Variants in KPNA3 observed in about 807,000 individuals in gnomAD.
The protein encoded by KPNA3 is karyopherin subunit alpha 3.
In KPNA3, 13 loss-of-function variants were observed where a neutral mutation model predicts 73.8. The ratio of observed to expected loss-of-function variants is 0.18; its 90% confidence interval spans 0.11 to 0.28. KPNA3 has a LOEUF of 0.28. Ranked by LOEUF, KPNA3 falls within the 10% of genes least tolerant of loss-of-function variation. The pLI, the probability that KPNA3 is intolerant of heterozygous loss-of-function variation, is 1.00. For missense variants in KPNA3, 360 were observed against 618.1 expected (o/e 0.58, Z 4.43); for synonymous variants, 186 against 206.9 (o/e 0.90, Z 0.87).
intron 15 of KPNA3, among the ~76,000 whole-genome samples, chr13:49,703,943 T>C (rs1050333896): frequency 6.6e-6 from 1 of 152,220 alleles, no homozygotes; most frequent in African/African-American, 2.4e-5. Context: ...AAAGTAACTA[T>C]ATTGATAAAA....
intron 1 of KPNA3, among the ~76,000 whole-genome samples, chr13:49,790,500 GCCACACTTC>G (rs1277406238): frequency 2.0e-5 from 3 of 152,154 alleles, no homozygotes; most frequent in African/African-American, 7.2e-5. Flanking sequence ...TGGGGATAAT[GCCACACTTC>G]ATATACTTGT....
chr13:49,725,312 C>A, intron 7 of KPNA3, 104 bp downstream of exon 7: 2 of 528,450 alleles, frequency 3.8e-6, no homozygotes, highest in South Asian at 3.7e-5. Flanking sequence ...TTATAAAAGT[C>A]ATCATTTAAA....
At chr13:49,740,914 C>T (rs909920041) in intron 2 of KPNA3, among the ~76,000 whole-genome samples, 1 of 152,010 alleles carries the variant, frequency 6.6e-6, no homozygotes, top group Non-Finnish European at 1.5e-5. Flanking sequence ...GCCTTGTTTG[C>T]CTGGCTTATT....
chr13:49,733,847 C>T (rs1245897959), intron 2 of KPNA3, among the ~76,000 whole-genome samples: 2 of 152,164 alleles, frequency 1.3e-5, no homozygotes, highest in African/African-American at 4.8e-5. Flanking sequence ...AAGTCCCAGC[C>T]AAGTTACCTG....
chr13:49,752,295 C>T (rs755291301), intron 1 of KPNA3, among the ~76,000 whole-genome samples: 2 of 152,106 alleles, frequency 1.3e-5, no homozygotes, highest in Non-Finnish European at 2.9e-5. Context: ...AAAAAATCAT[C>T]TTGTAACAAA....
At chr13:49,756,990 T>C (rs563337313) in intron 1 of KPNA3, among the ~76,000 whole-genome samples, 1 of 152,268 alleles carries the variant, frequency 6.6e-6, no homozygotes, top group Non-Finnish European at 1.5e-5. Flanking sequence ...CTGGACCAGA[T>C]AGATATTGAC....
At chr13:49,715,362 G>C (rs539576861) in intron 10 of KPNA3, among the ~76,000 whole-genome samples, 1 of 152,100 alleles carries the variant, frequency 6.6e-6, no homozygotes, top group Non-Finnish European at 1.5e-5. Flanking sequence ...TGACTAGTCT[G>C]TTCGCAAAGA....
At chr13:49,730,506 C>T (rs12584922) in intron 6 of KPNA3, among the ~76,000 whole-genome samples, 2,212 of 75,068 alleles carry the variant, frequency 0.029, 30 homozygotes, top group South Asian at 0.043. Flanking sequence ...GGCAACAGAG[C>T]GAGACTCTGT....
intron 1 of KPNA3, among the ~76,000 whole-genome samples, chr13:49,767,480 C>T (rs1954818533): frequency 6.6e-6 from 1 of 151,008 alleles, no homozygotes; most frequent in Admixed American, 6.6e-5. Context: ...AGAACTATTA[C>T]AAATTATATT....
intron 6 of KPNA3, among the ~76,000 whole-genome samples, chr13:49,729,511 G>A (rs1416720130): frequency 1.3e-5 from 2 of 152,210 alleles, no homozygotes; most frequent in Admixed American, 1.3e-4. Context: ...ATGGCCGAGT[G>A]CGGTGGCTCA....
At chr13:49,706,755 C>CT (rs57320112) in intron 12 of KPNA3, among the ~76,000 whole-genome samples, 6 of 148,854 alleles carry the variant, frequency 4.0e-5, no homozygotes, top group South Asian at 2.1e-4. Flanking sequence ...TTTTTCTTTT[C>CT]TTTTTTTTTT....
chr13:49,772,900 C>T (rs1274202067), intron 1 of KPNA3, among the ~76,000 whole-genome samples: 5 of 152,098 alleles, frequency 3.3e-5, no homozygotes, highest in Non-Finnish European at 5.9e-5. Context: ...TTGTACTGAT[C>T]CAAAAGACAT....
chr13:49,762,631 C>A lies in KPNA3; in HGVS notation c.70-15638G>T, dbSNP rs1244448322. On this transcript the variant is annotated intron_variant, in intron 1 of 16. Coordinates refer to ENST00000261667, the MANE Select transcript of KPNA3 (RefSeq NM_002267.4). ...AGGGTTAAATGGATTAAGGGCGGTG[C>A]AAGATGTGCTTTGTTAAACAGATGC... 2.6e-5 allele frequency among the ~76,000 whole-genome samples: 4 copies of A among 152,158 alleles called. No homozygotes were observed. In the South Asian group the frequency reaches 8.3e-4, roughly 32 times the overall value.
chr13:49,717,488 C>T (rs1287238531), intron 10 of KPNA3, among the ~76,000 whole-genome samples: 3 of 150,066 alleles, frequency 2.0e-5, no homozygotes, highest in African/African-American at 7.3e-5. Context: ...AACTCCTTAG[C>T]GAACGTATTA....
At chr13:49,719,990 A>G (rs1954340265) in intron 9 of KPNA3, among the ~76,000 whole-genome samples, 171 bp from the exon 10 acceptor site, 1 of 152,242 alleles carries the variant, frequency 6.6e-6, no homozygotes, top group Admixed American at 6.5e-5. Context: ...CAATCTAAAA[A>G]AACCAAAAAC....
chr13:49,783,525 G>C lies in KPNA3; in HGVS notation c.69+8913C>G, dbSNP rs547944267. ...CAAATCTCTTCTATAAAATGGCACAGTACAGTCAGCCCTACGAATCCACAG... is the reference window on the plus strand; with the variant it reads ...CAAATCTCTTCTATAAAATGGCACACTACAGTCAGCCCTACGAATCCACAG... On this transcript the variant is annotated intron_variant, in intron 1 of 16. Coordinates refer to ENST00000261667, the MANE Select transcript of KPNA3 (RefSeq NM_002267.4). Among the ~76,000 whole-genome samples, 65 of 152,218 alleles carry C rather than the reference G, an allele frequency of 4.3e-4. 1 individual carries two copies. Among genetic ancestry groups the C allele is most frequent in the Middle Eastern group, 3.4e-3 (1 of 294 alleles).
chr13:49,774,191 C>T (rs1954878092), intron 1 of KPNA3, among the ~76,000 whole-genome samples: 1 of 152,132 alleles, frequency 6.6e-6, no homozygotes, highest in Non-Finnish European at 1.5e-5. Context: ...AGGTGTGACC[C>T]ACCACACCAG....
chr13:49,779,107 T>A (rs896028202), intron 1 of KPNA3, among the ~76,000 whole-genome samples: 3 of 152,192 alleles, frequency 2.0e-5, no homozygotes, highest in Non-Finnish European at 4.4e-5. Flanking sequence ...ATTTTTTTTT[T>A]TTAACAATTC....
rs921469759 is a variant in KPNA3, at chr13:49,732,644, T to C, written c.248A>G (p.Asp83Gly). 5 of 1,611,506 alleles carry C rather than the reference T, an allele frequency of 3.1e-6. No individual in the cohort carries two copies. In the African/African-American group the frequency reaches 4.0e-5, roughly 13 times the overall value. The change falls in exon 5 of 17, where the codon GAT becomes GGT. Residue 83 changes from aspartate (D) to glycine (G), a missense_variant. By Grantham distance (94) the Asp-to-Gly change is moderately conservative (BLOSUM62 -1). This residue lies in a region of KPNA3 where 287 missense variants were observed against 549.1 expected (regional missense o/e 0.52). Transcript: ENST00000261667. ...AGCACTCAATTGGACCACTGGGTTA[T>C]CACTTGTGGCATTCTGCAATACCAA... ...LEAILQNATSDNPVVQLSAVQ... is the reference protein window; with the variant it reads ...LEAILQNATSGNPVVQLSAVQ...
Sources: allele counts gnomAD v4.1 joint callset (sites outside exome capture counted in the v4.1 genomes callset), GRCh38; gene constraint gnomAD v4.1.1; regional missense constraint gnomAD v4.1.1; transcripts MANE v1.5; gene names NCBI Gene and HGNC (gene_info 2026-07-23, HGNC 2026-07-21).